Variants in CDC16 observed in about 807,000 individuals in gnomAD.
The protein encoded by CDC16 is cell division cycle 16.
A neutral mutation model predicts 87.0 loss-of-function variants in CDC16; 34 were observed. That is an observed-to-expected ratio of 0.39 (90% confidence interval 0.30 to 0.52). The LOEUF (loss-of-function observed/expected upper bound fraction) is 0.52. Among genes scored for constraint, CDC16 ranks in the 20% least tolerant of loss-of-function variants. The pLI is 0.74. For missense variants in CDC16, 653 were observed against 751.9 expected (o/e 0.87, Z 1.54); for synonymous variants, 263 against 260.6 (o/e 1.01, Z -0.09).
At chr13:114,250,520 T>C (rs770077486) in intron 11 of CDC16, 29 bp from the exon 12 acceptor site, 4 of 1,566,308 alleles carry the variant, frequency 2.6e-6, no homozygotes, top group African/African-American at 1.4e-5. Flanking sequence ...ATAAATACTA[T>C]ATGACTTAAA....
At chr13:114,265,637 A>G (rs2083156287) in intron 17 of CDC16, among the ~76,000 whole-genome samples, 2 of 152,330 alleles carry the variant, frequency 1.3e-5, no homozygotes, top group South Asian at 4.1e-4. Context: ...TTTCAATAGA[A>G]TGTTGAGATG....
intron 11 of CDC16, among the ~76,000 whole-genome samples, chr13:114,247,790 C>T (rs983534676): frequency 4.6e-5 from 7 of 152,040 alleles, no homozygotes; most frequent in South Asian, 2.1e-4. Flanking sequence ...ACAGGAGAAT[C>T]GCTTGAACCT....
chr13:114,245,802 C>T, intron 9 of CDC16, 198 bp from the exon 10 acceptor site: 1 of 518,634 alleles, frequency 1.9e-6, no homozygotes, highest in South Asian at 2.3e-5. Flanking sequence ...TAGGGGGTGT[C>T]TGTTCCCACC....
At chr13:114,259,268 A>G (rs2082697134) in intron 13 of CDC16, 67 bp from the exon 14 acceptor site, 1 of 1,166,352 alleles carries the variant, frequency 8.6e-7, no homozygotes, top group East Asian at 2.6e-5. Context: ...AAGGTAATCA[A>G]AAATTTTTTT....
Position 114,263,156 on chromosome 13 carries a change from GA to G in CDC16, c.1512+146del, listed in dbSNP as rs563200445. The G allele has an allele frequency of 1.5e-3, 1,070 of 712,258 alleles. 6 individuals are homozygous for G. The highest frequency in any genetic ancestry group is 1.0e-3 in the Non-Finnish European group (441 of 426,070). The allele number at this position is 712,258 out of a possible 1,614,324, so 44.1% of individuals were successfully genotyped here. ...TACGTGTTATTCTTTTCTTTGCAGAGAAAAGCATGTGGGTGTTGTACAGTAT... is the reference window on the plus strand; with the variant it reads ...TACGTGTTATTCTTTTCTTTGCAGAGAAAGCATGTGGGTGTTGTACAGTAT... On this transcript the variant is annotated intron_variant, in intron 16 of 17. Coordinates refer to ENST00000356221, the MANE Select transcript of CDC16 (RefSeq NM_001078645.3).
intron 17 of CDC16, among the ~76,000 whole-genome samples, chr13:114,271,227 T>TA (rs1451095986): frequency 1.3e-5 from 2 of 152,096 alleles, no homozygotes; most frequent in African/African-American, 4.8e-5. Flanking sequence ...GGCCAAGATT[T>TA]ACCATTCATG....
At chr13:114,236,745 C>A (rs766050993) in intron 2 of CDC16, 46 bp downstream of exon 2, 1 of 1,612,506 alleles carries the variant, frequency 6.2e-7, no homozygotes, top group East Asian at 2.2e-5. Context: ...TCTTAAAATT[C>A]GTTTTCTATT....
At chr13:114,237,910 A>G (rs1187723818) in intron 3 of CDC16, among the ~76,000 whole-genome samples, 3 of 152,242 alleles carry the variant, frequency 2.0e-5, no homozygotes, top group African/African-American at 7.2e-5. Flanking sequence ...ATTCCCACAA[A>G]GTCATTCAGT....
intron 11 of CDC16, 73 bp from the exon 12 acceptor site, chr13:114,250,476 A>T: frequency 7.0e-7 from 1 of 1,433,900 alleles, no homozygotes; most frequent in Non-Finnish European, 9.4e-7. Context: ...TGAGCGACAA[A>T]GTGAGACTTT....
chr13:114,237,370 A>G (rs889082403), intron 3 of CDC16, among the ~76,000 whole-genome samples: 2 of 152,022 alleles, frequency 1.3e-5, no homozygotes, highest in Non-Finnish European at 2.9e-5. Context: ...GCTCACTATA[A>G]CCTCAGACTC....
At chr13:114,235,658 TCAG>T (rs1566627742) in intron 1 of CDC16, among the ~76,000 whole-genome samples, 1 of 152,228 alleles carries the variant, frequency 6.6e-6, no homozygotes, top group Non-Finnish European at 1.5e-5. Flanking sequence ...TCTTCGAGAA[TCAG>T]CAGCATCAGT....
chr13:114,257,796 TG>T (rs2082600250), intron 13 of CDC16, among the ~76,000 whole-genome samples: 1 of 152,202 alleles, frequency 6.6e-6, no homozygotes. Flanking sequence ...TTTTTGTTTT[TG>T]TTTTTTTGAG....
At chr13:114,247,333 A>ATTT (rs112944628) in intron 11 of CDC16, 28 of 183,628 alleles carry the variant, frequency 1.5e-4, no homozygotes, top group South Asian at 5.8e-4. Flanking sequence ...TGATTTAAAC[A>ATTT]TTTTTTTTTT....
Position 114,243,247 on chromosome 13 carries a change from C to T in CDC16, c.542-10C>T. On this transcript the variant is annotated splice_polypyrimidine_tract_variant and intron_variant, in intron 6 of 17. Coordinates refer to ENST00000356221, the MANE Select transcript of CDC16 (RefSeq NM_001078645.3). Reference sequence around the variant, plus strand: ...ATGAGGATATTCTTTTTTTTCTCACCATTTTTAAGAAAAAGAACTTCTTGA... The same window carrying T: ...ATGAGGATATTCTTTTTTTTCTCACTATTTTTAAGAAAAAGAACTTCTTGA... 1 of 1,296,940 alleles carries T rather than the reference C, an allele frequency of 7.7e-7. No individual in the cohort carries two copies. The highest frequency in any genetic ancestry group is 1.2e-5 in the South Asian group (1 of 82,032). The allele number at this position is 1,296,940 out of a possible 1,614,324, so 80.3% of individuals were successfully genotyped here. A position where few individuals can be genotyped will look rare whatever the true frequency, so the allele number is the denominator to read the frequency against.
At chr13:114,269,771 C>T (rs1373270892) in intron 17 of CDC16, among the ~76,000 whole-genome samples, 1 of 152,202 alleles carries the variant, frequency 6.6e-6, no homozygotes, top group Non-Finnish European at 1.5e-5. Context: ...GGGGCGCCAT[C>T]TCGGCTTACT....
intron 17 of CDC16, among the ~76,000 whole-genome samples, chr13:114,266,412 G>GT (rs1052081230): frequency 2.6e-5 from 4 of 152,144 alleles, no homozygotes. Flanking sequence ...CAAAAAATGA[G>GT]TAATACCCAT....
At chr13:114,243,472 T>C in intron 7 of CDC16, 124 bp downstream of exon 7, 1 of 586,362 alleles carries the variant, frequency 1.7e-6, no homozygotes, top group East Asian at 2.8e-5. Context: ...TTTTTAAGAA[T>C]AGAGCGTTTA....
chr13:114,270,585 A>C (rs1043984467), intron 17 of CDC16, among the ~76,000 whole-genome samples: 4 of 152,036 alleles, frequency 2.6e-5, no homozygotes, highest in Admixed American at 2.6e-4. Flanking sequence ...ACAGGGTCTT[A>C]AGGAGCTGCA....
chr13:114,261,780 A>G, intron 14 of CDC16, 107 bp from the exon 15 acceptor site: 1 of 682,802 alleles, frequency 1.5e-6, no homozygotes, highest in Non-Finnish European at 2.5e-6. Context: ...CTGGCGGCAC[A>G]CACTGGGAGA....
Sources: gnomAD v4.1 joint callset for allele counts (sites outside exome capture counted in the v4.1 genomes callset) on GRCh38, gnomAD v4.1.1 for gene constraint, MANE v1.5 for transcripts, NCBI Gene and HGNC (gene_info 2026-07-23, HGNC 2026-07-21) for gene names.